UBE3A: variants seen among roughly 807,000 people sequenced by gnomAD.
UBE3A encodes ubiquitin protein ligase E3A, also known as ubiquitin-protein ligase E3A.
In UBE3A, 6 loss-of-function variants were observed where a neutral mutation model predicts 83.4. That is an observed-to-expected ratio of 0.07 (90% CI 0.04 to 0.14). The LOEUF (loss-of-function observed/expected upper bound fraction) is 0.14. Ranked by LOEUF, UBE3A falls within the 10% of genes least tolerant of loss-of-function variation. The probability of loss-of-function intolerance (pLI) is 1.00; values close to 1 mark genes in which losing one functional copy is unlikely to be tolerated. For missense variants in UBE3A, 456 were observed against 1,036.1 expected, an observed-to-expected ratio of 0.44 and a Z score of 7.69; for synonymous variants, 337 against 355.4, an observed-to-expected ratio of 0.95 and a Z score of 0.58.
rs143071638 is a variant in UBE3A at position 25,389,282 on chromosome 15, C to T, written c.63-13519G>A. 6.1e-3 allele frequency among the ~76,000 whole-genome samples: 886 copies of T among 145,074 alleles called. 11 individuals carry two copies. Among genetic ancestry groups the T allele is most frequent in the African/African-American group, 0.021 (845 of 39,952 alleles). ...CATGCAAAAAAAAAAAGAGTCTAGA[C>T]ACAGGTCTTACACCCTTCACAAAAA... On this transcript the variant is annotated intron_variant, in intron 4 of 12. Transcript: ENST00000648336.
At chr15:25,376,619 G>A (rs890405119) in intron 4 of UBE3A, among the ~76,000 whole-genome samples, 1 of 152,108 alleles carries the variant, frequency 6.6e-6, no homozygotes, top group African/African-American at 2.4e-5. Context: ...TCCAGCCTGG[G>A]CAACAGAGCT....
intron 1 of UBE3A, among the ~76,000 whole-genome samples, chr15:25,416,131 C>T (rs989549921): frequency 6.6e-6 from 1 of 152,084 alleles, no homozygotes; most frequent in Non-Finnish European, 1.5e-5. Flanking sequence ...TAAATATATG[C>T]ATACCTTATG....
intron 2 of UBE3A, among the ~76,000 whole-genome samples, chr15:25,409,825 T>A (rs968718721): frequency 3.9e-5 from 6 of 152,140 alleles, no homozygotes; most frequent in Non-Finnish European, 8.8e-5. Flanking sequence ...AATAGTTATA[T>A]ACATACACAT....
At chr15:25,408,598 G>C in intron 3 of UBE3A, 1 of 1,613,826 alleles carries the variant, frequency 6.2e-7, no homozygotes, top group South Asian at 1.1e-5. Flanking sequence ...GCATGAGCTA[G>C]CAAATTCAAA....
rs778513573 is a variant in UBE3A, at chr15:25,356,876, A to T, written c.1774T>A (p.Ser592Thr). The change falls in exon 8 of 13, where the codon TCT becomes ACT. Residue 592 changes from serine (S) to threonine (T), a missense_variant. Ser to Thr is a moderately conservative substitution (Grantham distance 58). Around this residue, in one of 13 missense-constraint regions of UBE3A, gnomAD observed 58 missense variants for 237.1 expected, o/e 0.24. Coordinates refer to ENST00000648336, the MANE Select transcript of UBE3A (RefSeq NM_130839.5). ...GGATTAAACCAAAACAATTTTGTAG[A>T]TTCATCGTATGTGAACATACCTATA... ...PDIGMFTYDE[S>T]TKLFWFNPSS... 1 of 1,613,670 alleles carries T rather than the reference A, an allele frequency of 6.2e-7. No homozygotes were observed. The highest frequency in any genetic ancestry group is 8.5e-7 in the Non-Finnish European group (1 of 1,179,714).
intron 4 of UBE3A, among the ~76,000 whole-genome samples, chr15:25,386,582 T>TATA (rs1356763315): frequency 2.0e-5 from 3 of 152,138 alleles, no homozygotes; most frequent in African/African-American, 7.2e-5. Flanking sequence ...ATGGGCTTAT[T>TATA]AGTAGGCTGG....
chr15:25,384,228 G>C (rs1183699997), intron 4 of UBE3A, among the ~76,000 whole-genome samples: 1 of 152,086 alleles, frequency 6.6e-6, no homozygotes, highest in African/African-American at 2.4e-5. Context: ...GGGAGGCCAA[G>C]GTGGGCTGAT....
rs558635421 is a variant in UBE3A at position 25,339,090 on chromosome 15, C to T, written c.*47G>A. On this transcript the variant is annotated 3_prime_UTR_variant, in exon 13 of 13. Coordinates refer to ENST00000648336, the MANE Select transcript of UBE3A (RefSeq NM_130839.5). Reference sequence around the variant, plus strand: ...ATTTTTAAAATTTTTTAAATTTTTTCTTTTTTTTTCCTTCCTTTTTTTTGT... The same window carrying T: ...ATTTTTAAAATTTTTTAAATTTTTTTTTTTTTTTTCCTTCCTTTTTTTTGT... 10 of 1,461,886 alleles carry T rather than the reference C, an allele frequency of 6.8e-6. No homozygotes were observed. Among genetic ancestry groups the T allele is most frequent in the Admixed American group, 5.6e-5 (2 of 35,838 alleles). The allele number at this position is 1,461,886 out of a possible 1,614,324, so 90.6% of individuals were successfully genotyped here. A position where few individuals can be genotyped will look rare whatever the true frequency, so the allele number is the denominator to read the frequency against.
chr15:25,380,221 T>A (rs1458336948), intron 4 of UBE3A, among the ~76,000 whole-genome samples: 1 of 152,120 alleles, frequency 6.6e-6, no homozygotes, highest in African/African-American at 2.4e-5. Flanking sequence ...CATGTGGAAG[T>A]GTAAGTCCAA....
intron 6 of UBE3A, among the ~76,000 whole-genome samples, chr15:25,369,765 T>C (rs950738062): frequency 1.3e-5 from 2 of 152,144 alleles, no homozygotes; most frequent in African/African-American, 4.8e-5. Flanking sequence ...TGGCCACTCT[T>C]ATATTCTTAA....
At position 25,438,823 on chromosome 15, in the gene UBE3A, A is replaced by G. The variant is rs1895959478; in HGVS notation, c.-499T>C. On this transcript the variant is annotated 5_prime_UTR_variant, in exon 1 of 13. Transcript: ENST00000648336. Reference sequence around the variant, plus strand: ...CGAGCGCGCCGGGTCGGCAGAGGTGAAGCGTAAGTAGGCGGCGGATGGCGG... The same window carrying G: ...CGAGCGCGCCGGGTCGGCAGAGGTGGAGCGTAAGTAGGCGGCGGATGGCGG... The G allele has an allele frequency of 6.5e-6, 1 of 152,690 alleles. No homozygotes were observed. Among genetic ancestry groups the G allele is most frequent in the Non-Finnish European group, 1.5e-5 (1 of 68,550 alleles). 9.5% of individuals were successfully genotyped at this position (152,690 alleles called of 1,614,324 possible). A position where few individuals can be genotyped will look rare whatever the true frequency, so the allele number is the denominator to read the frequency against.
intron 3 of UBE3A, among the ~76,000 whole-genome samples, chr15:25,406,382 T>C (rs1220584198): frequency 6.6e-6 from 1 of 152,188 alleles, no homozygotes; most frequent in South Asian, 2.1e-4. Context: ...TTTCTAAATA[T>C]ACTACTGCTC....
intron 6 of UBE3A, among the ~76,000 whole-genome samples, chr15:25,365,845 T>C (rs73366212): frequency 1.3e-5 from 2 of 151,968 alleles, no homozygotes; most frequent in African/African-American, 4.8e-5. Context: ...TTCCAGATTA[T>C]CCAAATTAAT....
chr15:25,406,835 C>T (rs946984622), intron 3 of UBE3A, among the ~76,000 whole-genome samples: 1 of 143,428 alleles, frequency 7.0e-6, no homozygotes, highest in African/African-American at 2.6e-5. Context: ...CATTCAGATT[C>T]CAAGGACAAG....
rs1465015042 is a variant in UBE3A, at chr15:25,338,163, G to T, written c.*974C>A. ...TTTGGATTGTCTATTTAAAATCTAG[G>T]TAATAAGTAAGTAATTAATAAAAAC... On this transcript the variant is annotated 3_prime_UTR_variant, in exon 13 of 13. Transcript: ENST00000648336. 6.6e-6 allele frequency: 1 copy of T among 152,022 alleles called. No homozygotes were observed. Among genetic ancestry groups the T allele is most frequent in the African/African-American group, 2.4e-5 (1 of 41,392 alleles). 9.4% of individuals were successfully genotyped at this position (152,022 alleles called of 1,614,324 possible). A position where few individuals can be genotyped will look rare whatever the true frequency, so the allele number is the denominator to read the frequency against.
At chr15:25,405,876 C>T (rs1204757154) in intron 3 of UBE3A, among the ~76,000 whole-genome samples, 1 of 152,198 alleles carries the variant, frequency 6.6e-6, no homozygotes, top group Non-Finnish European at 1.5e-5. Context: ...AAGGTACTCA[C>T]TGGTATTCAC....
Position 25,368,196 on chromosome 15 carries a change from A to G in UBE3A, c.1608+2370T>C, listed in dbSNP as rs867792360. On this transcript the variant is annotated intron_variant, in intron 6 of 12. Coordinates refer to ENST00000648336, the MANE Select transcript of UBE3A (RefSeq NM_130839.5). ...AAAAATTCATCACTTTTGAGCTTTC[A>G]TATGAGAGAATAATCTTAAACCACT... 3.3e-5 allele frequency among the ~76,000 whole-genome samples: 5 copies of G among 152,230 alleles called. No homozygotes were observed. In the Middle Eastern group the frequency reaches 0.014, roughly 414 times the overall value.
chr15:25,419,896 C>G (rs1888903422), intron 1 of UBE3A, among the ~76,000 whole-genome samples: 1 of 151,654 alleles, frequency 6.6e-6, no homozygotes, highest in African/African-American at 2.4e-5. Flanking sequence ...GGAAAAAAAA[C>G]AGAGGGACAA....
intron 11 of UBE3A, among the ~76,000 whole-genome samples, chr15:25,344,469 G>A (rs1316337855): frequency 6.6e-6 from 1 of 152,074 alleles, no homozygotes; most frequent in Non-Finnish European, 1.5e-5. Context: ...CTTATTCCAG[G>A]CCTGAGAATG....
Sources: gnomAD v4.1 joint callset for allele counts (sites outside exome capture counted in the v4.1 genomes callset) on GRCh38, gnomAD v4.1.1 for gene constraint, gnomAD v4.1.1 regional missense constraint, MANE v1.5 for transcripts, NCBI Gene and HGNC (gene_info 2026-07-23, HGNC 2026-07-21) for gene names.